The following PRKCA variants were observed in gnomAD, a reference collection of about 807,000 sequenced individuals.
PRKCA encodes the protein protein kinase C alpha.
PRKCA carries 27 observed loss-of-function variants against 87.0 expected under a neutral mutation model. The ratio of observed to expected loss-of-function variants is 0.31; its 90% CI spans 0.23 to 0.43. The LOEUF (loss-of-function observed/expected upper bound fraction) is 0.43, where lower values mean the gene tolerates loss of function less well. PRKCA is among the 20% of genes least tolerant of loss of function. PRKCA has a pLI of 1.00. For missense variants in PRKCA, 518 were observed against 852.3 expected (o/e 0.61, Z 4.88); for synonymous variants, 329 against 311.1 (o/e 1.06, Z -0.61).
intron 2 of PRKCA, among the ~76,000 whole-genome samples, chr17:66,410,881 G>A (rs1372864556): frequency 6.6e-6 from 1 of 151,812 alleles, no homozygotes; most frequent in Non-Finnish European, 1.5e-5. Flanking sequence ...CAGCCAGGTA[G>A]TTGAACTTTT....
chr17:66,337,070 C>T (rs1358417376), intron 2 of PRKCA, among the ~76,000 whole-genome samples: 3 of 152,218 alleles, frequency 2.0e-5, no homozygotes, highest in African/African-American at 4.8e-5. Context: ...GGATTACAGG[C>T]GTGAGCCACC....
chr17:66,803,531 C>G lies in PRKCA; in HGVS notation c.1855-342C>G, dbSNP rs964292509. Among the ~76,000 whole-genome samples, 1 of 152,212 alleles carries G rather than the reference C, an allele frequency of 6.6e-6. No homozygotes were observed. Among genetic ancestry groups the G allele is most frequent in the Non-Finnish European group, 1.5e-5 (1 of 68,030 alleles). ...CCTTTCAACACGGAGCTGTGACTGA[C>G]GGCCCTGCGTGCGTGGCTTCCGTGC... is the stretch of plus-strand genomic sequence containing the variant. On this transcript the variant is annotated intron_variant, in intron 16 of 16. Transcript: ENST00000413366. This position sits in a 1 kb window ranked among gnomAD's most constrained non-coding sequence, Gnocchi z 4.4.
intron 3 of PRKCA, among the ~76,000 whole-genome samples, chr17:66,577,246 C>A (rs1180140079): frequency 6.6e-6 from 1 of 152,116 alleles, no homozygotes; most frequent in Non-Finnish European, 1.5e-5. Flanking sequence ...TAGGGAGCAT[C>A]CAGGAGGGAC....
At chr17:66,781,849 T>A (rs1598938778) in intron 14 of PRKCA, among the ~76,000 whole-genome samples, 1 of 131,504 alleles carries the variant, frequency 7.6e-6, no homozygotes, top group South Asian at 2.4e-4. Flanking sequence ...GTAAATTTTG[T>A]GAGAGAGAGA....
intron 2 of PRKCA, among the ~76,000 whole-genome samples, chr17:66,412,945 A>G (rs998998712): frequency 6.6e-6 from 1 of 152,060 alleles, no homozygotes; most frequent in Admixed American, 6.6e-5. Context: ...ACTCAACACA[A>G]CACTTCAGAT....
intron 3 of PRKCA, among the ~76,000 whole-genome samples, chr17:66,504,580 G>T (rs1320916464): frequency 6.6e-6 from 1 of 150,964 alleles, no homozygotes. Flanking sequence ...CAACAAGAGT[G>T]AAACTCTGCC....
intron 2 of PRKCA, among the ~76,000 whole-genome samples, chr17:66,470,005 C>G (rs1341554533): frequency 6.6e-6 from 1 of 151,986 alleles, no homozygotes; most frequent in African/African-American, 2.4e-5. Context: ...GGGTAATTAC[C>G]CCCAATATGT....
intron 14 of PRKCA, among the ~76,000 whole-genome samples, chr17:66,785,890 G>A (rs1975372385): frequency 6.6e-6 from 1 of 152,206 alleles, no homozygotes; most frequent in Non-Finnish European, 1.5e-5. Flanking sequence ...GTGCAGTGGT[G>A]CAATCTCAGC....
chr17:66,454,156 T>G (rs1469869210), intron 2 of PRKCA, among the ~76,000 whole-genome samples: 1 of 152,250 alleles, frequency 6.6e-6, no homozygotes, highest in East Asian at 1.9e-4. Flanking sequence ...TACAGTCTGC[T>G]GGATGAACCA....
At chr17:66,745,682 AAAAT>A (rs755646358) in intron 13 of PRKCA, among the ~76,000 whole-genome samples, 2 of 152,186 alleles carry the variant, frequency 1.3e-5, no homozygotes, top group African/African-American at 4.8e-5. Context: ...CACCGTCTCA[AAAAT>A]AAATAAATAA....
intron 3 of PRKCA, among the ~76,000 whole-genome samples, chr17:66,586,836 G>C (rs1216463979): frequency 1.3e-5 from 2 of 152,166 alleles, no homozygotes; most frequent in African/African-American, 4.8e-5. Context: ...ACTCAGTCGG[G>C]ATACATAAAG....
intron 3 of PRKCA, among the ~76,000 whole-genome samples, chr17:66,519,471 G>A (rs1363623445): frequency 1.3e-5 from 2 of 152,118 alleles, no homozygotes; most frequent in Non-Finnish European, 2.9e-5. Context: ...AGGTATAGTG[G>A]ACTCTTGCTG....
At chr17:66,786,811 T>C in intron 14 of PRKCA, 56 bp from the exon 15 acceptor site, 1 of 1,449,752 alleles carries the variant, frequency 6.9e-7, no homozygotes, top group Non-Finnish European at 9.6e-7. Flanking sequence ...TCAGGCACCA[T>C]GTGAATGAAT....
intron 16 of PRKCA, among the ~76,000 whole-genome samples, chr17:66,798,381 TG>T (rs1975720587): frequency 9.6e-6 from 1 of 104,018 alleles, no homozygotes; most frequent in Admixed American, 9.2e-5. Flanking sequence ...CAGTAGGCGG[TG>T]GTGGTGGTGG....
At chr17:66,436,178 C>A (rs1423612884) in intron 2 of PRKCA, among the ~76,000 whole-genome samples, 1 of 152,124 alleles carries the variant, frequency 6.6e-6, no homozygotes, top group Non-Finnish European at 1.5e-5. Flanking sequence ...GCTTGAGAAT[C>A]AAGAGGTTGG....
chr17:66,377,715 ATATATATT>A (rs1567797844), intron 2 of PRKCA, among the ~76,000 whole-genome samples: 94 of 65,688 alleles, frequency 1.4e-3, no homozygotes, highest in African/African-American at 4.5e-3. Context: ...ATATATATAT[ATATATATT>A]TTTTTTTTTT....
intron 2 of PRKCA, among the ~76,000 whole-genome samples, chr17:66,462,095 T>A (rs1301355336): frequency 6.6e-6 from 1 of 152,228 alleles, no homozygotes; most frequent in Non-Finnish European, 1.5e-5. Flanking sequence ...TATATTCTTT[T>A]AAACGTCGGG....
chr17:66,775,880 G>A, intron 14 of PRKCA: 1 of 499,594 alleles, frequency 2.0e-6, no homozygotes, highest in Non-Finnish European at 2.6e-6. Flanking sequence ...GTTAGATAAG[G>A]AAAATGTATA....
intron 3 of PRKCA, chr17:66,638,122 A>ATGTGTG (rs753537063): frequency 1.2e-4 from 16 of 137,244 alleles, no homozygotes; most frequent in Admixed American, 3.5e-4. Context: ...ATATATATAT[A>ATGTGTG]TATGTGTGTG....
Sources: gnomAD v4.1 joint callset for allele counts (sites outside exome capture counted in the v4.1 genomes callset) on GRCh38, gnomAD v4.1.1 for gene constraint, Gnocchi (gnomAD v3.1) non-coding constraint, MANE v1.5 for transcripts, NCBI Gene and HGNC (gene_info 2026-07-23, HGNC 2026-07-21) for gene names.